Variants in ISCA1 observed in about 807,000 individuals in gnomAD.
ISCA1 encodes iron-sulfur cluster assembly 1, also known as iron-sulfur cluster assembly 1 homolog, mitochondrial.
ISCA1 carries 9 observed loss-of-function variants against 14.7 expected under a neutral mutation model. That is an observed-to-expected ratio of 0.61 (90% confidence interval 0.37 to 1.07). The LOEUF is 1.07. ISCA1 is among the 50% of genes least tolerant of loss of function. ISCA1 has a pLI of 0.01. For synonymous variants in ISCA1, 38 were observed against 54.3 expected (o/e 0.70, Z 1.32); for missense variants, 102 against 150.1 (o/e 0.68, Z 1.67).
At chr9:86,268,911 T>A (rs1490175888) in intron 3 of ISCA1, among the ~76,000 whole-genome samples, 1 of 152,192 alleles carries the variant, frequency 6.6e-6, no homozygotes, top group East Asian at 1.9e-4. Context: ...TTCTCCTGCC[T>A]CAGCCTCCCA....
At chr9:86,276,353 C>T (rs949047019) in intron 1 of ISCA1, among the ~76,000 whole-genome samples, 1 of 152,092 alleles carries the variant, frequency 6.6e-6, no homozygotes, top group South Asian at 2.1e-4. Flanking sequence ...GCTGTGAGGC[C>T]CTGTTCCTAA....
intron 1 of ISCA1, among the ~76,000 whole-genome samples, chr9:86,281,248 T>C (rs2131229220): frequency 6.6e-6 from 1 of 152,356 alleles, no homozygotes; most frequent in African/African-American, 2.4e-5. Flanking sequence ...TAGTACCATA[T>C]ATAATCAGGG....
At chr9:86,277,364 T>C (rs1387617120) in intron 1 of ISCA1, among the ~76,000 whole-genome samples, 1 of 152,156 alleles carries the variant, frequency 6.6e-6, no homozygotes, top group Non-Finnish European at 1.5e-5. Flanking sequence ...GTGTTACTAA[T>C]GATGGACAAC....
intron 1 of ISCA1, among the ~76,000 whole-genome samples, chr9:86,274,892 G>T (rs75444590): frequency 0.019 from 2,910 of 152,228 alleles, 76 homozygotes; most frequent in African/African-American, 0.061. Flanking sequence ...ATAAGAACAA[G>T]GAGGAGCTGT....
intron 1 of ISCA1, among the ~76,000 whole-genome samples, chr9:86,278,946 T>A (rs1825475803): frequency 6.6e-6 from 1 of 152,208 alleles, no homozygotes; most frequent in Non-Finnish European, 1.5e-5. Flanking sequence ...TTACAATGAC[T>A]ACATCCTTCA....
intron 3 of ISCA1, among the ~76,000 whole-genome samples, chr9:86,269,604 T>C (rs1825340032): frequency 6.6e-6 from 1 of 151,120 alleles, no homozygotes; most frequent in Non-Finnish European, 1.5e-5. Flanking sequence ...AAAGTTCATA[T>C]GGAACCAAAA....
intron 3 of ISCA1, chr9:86,267,161 G>T (rs902012988): frequency 1.9e-5 from 4 of 215,898 alleles, no homozygotes; most frequent in African/African-American, 9.4e-5. Context: ...GGAGACAGAG[G>T]CTACAGTGAA....
intron 1 of ISCA1, 75 bp from the exon 2 acceptor site, chr9:86,274,317 C>A: frequency 2.1e-6 from 2 of 951,760 alleles, no homozygotes; most frequent in South Asian, 2.8e-5. Flanking sequence ...CTTCGTAAGT[C>A]TGTCTTTAGC....
At chr9:86,275,067 C>A (rs1405498235) in intron 1 of ISCA1, among the ~76,000 whole-genome samples, 1 of 152,156 alleles carries the variant, frequency 6.6e-6, no homozygotes, top group East Asian at 1.9e-4. Context: ...AGGGCAGTCA[C>A]CCTAAGTGGC....
chr9:86,282,044 G>T, intron 1 of ISCA1: 1 of 297,284 alleles, frequency 3.4e-6, no homozygotes, highest in Non-Finnish European at 6.3e-6. Flanking sequence ...AACCGGAACG[G>T]CCGAACAGCG....
intron 1 of ISCA1, among the ~76,000 whole-genome samples, chr9:86,275,808 A>G (rs1348322651): frequency 6.6e-6 from 1 of 152,218 alleles, no homozygotes; most frequent in African/African-American, 2.4e-5. Context: ...ACAGGGTGGA[A>G]GGAGAAAACA....
At chr9:86,277,231 C>T (rs1051812172) in intron 1 of ISCA1, among the ~76,000 whole-genome samples, 3 of 152,186 alleles carry the variant, frequency 2.0e-5, no homozygotes, top group Non-Finnish European at 4.4e-5. Flanking sequence ...TACTGAAGGA[C>T]TCTTTAAGGG....
chr9:86,274,096 C>A, intron 2 of ISCA1, 93 bp downstream of exon 2: 3 of 674,394 alleles, frequency 4.4e-6, no homozygotes, highest in African/African-American at 1.8e-5. Flanking sequence ...AAATAAAAAC[C>A]CCTAAATGAA....
At chr9:86,270,490 T>C (rs1270363436) in intron 3 of ISCA1, among the ~76,000 whole-genome samples, 14 of 150,330 alleles carry the variant, frequency 9.3e-5, no homozygotes, top group Non-Finnish European at 1.3e-4. Context: ...TTTACACTGG[T>C]GGTGGGACTG....
At chr9:86,277,130 A>G (rs1825448042) in intron 1 of ISCA1, among the ~76,000 whole-genome samples, 1 of 152,090 alleles carries the variant, frequency 6.6e-6, no homozygotes, top group Admixed American at 6.5e-5. Flanking sequence ...TATTTTCTCA[A>G]CTTTTAGCAG....
intron 3 of ISCA1, 122 bp downstream of exon 3, chr9:86,271,883 TAC>T: frequency 3.2e-6 from 2 of 631,104 alleles, no homozygotes; most frequent in Non-Finnish European, 5.7e-6. Context: ...AAACAACACC[TAC>T]ACACACAGTG....
rs75020619 is a variant in ISCA1 at position 86,271,169 on chromosome 9, T to C, written c.241+838A>G. 4.0e-3 allele frequency among the ~76,000 whole-genome samples: 612 copies of C among 152,294 alleles called. 4 individuals are homozygous for C. The highest frequency in any genetic ancestry group is 0.013 in the African/African-American group (559 of 41,576). On this transcript the variant is annotated intron_variant, in intron 3 of 3. Coordinates refer to ENST00000375991, the MANE Select transcript of ISCA1 (RefSeq NM_030940.4). ...ACGTTTACACAAATACTTACCATTGTGTCAGAACTGTGCACAGTATTCAGC... is the reference window on the plus strand; with the variant it reads ...ACGTTTACACAAATACTTACCATTGCGTCAGAACTGTGCACAGTATTCAGC...
Position 86,274,215 on chromosome 9 carries a change from GT to G in ISCA1, c.108del (p.Lys36AsnfsTer11). The G allele has an allele frequency of 6.3e-7, 1 of 1,590,998 alleles. No homozygotes were observed. Among genetic ancestry groups the G allele is most frequent in the Non-Finnish European group, 8.6e-7 (1 of 1,159,684 alleles). Reference protein sequence around the residue: ...TLTPSAVNKIKQLLKDKPEHV... With the variant: ...TLTPSAVNKIXQLLKDKPEHV... ...TGCTCAGGCTTATCTTTAAGAAGTT[GT>G]TTTATCTTGTTTACTGCTGAAGGTG... On this transcript the variant is annotated frameshift_variant, in exon 2 of 4. Coordinates refer to ENST00000375991, the MANE Select transcript of ISCA1 (RefSeq NM_030940.4). LOFTEE classifies it high-confidence loss of function.
chr9:86,276,360 C>G (rs1179631819), intron 1 of ISCA1, among the ~76,000 whole-genome samples: 1 of 152,156 alleles, frequency 6.6e-6, no homozygotes, highest in African/African-American at 2.4e-5. Context: ...GGCCCTGTTC[C>G]TAACAGGCCA....
Sources: allele counts gnomAD v4.1 joint callset (sites outside exome capture counted in the v4.1 genomes callset), GRCh38; gene constraint gnomAD v4.1.1; transcripts MANE v1.5; gene names NCBI Gene and HGNC (gene_info 2026-07-23, HGNC 2026-07-21).